WWTR1: variants seen among roughly 807,000 people sequenced by gnomAD.
The protein encoded by WWTR1 is WW domain containing transcription regulator 1, also known as WW domain-containing transcription regulator protein 1.
WWTR1 carries 13 observed loss-of-function variants against 40.1 expected under a neutral mutation model. The ratio of observed to expected loss-of-function variants is 0.32; its 90% CI spans 0.21 to 0.52. The LOEUF (loss-of-function observed/expected upper bound fraction) is 0.52. Among genes scored for constraint, WWTR1 ranks in the 20% least tolerant of loss-of-function variants. WWTR1 has a pLI of 0.97. For missense variants in WWTR1, 436 were observed against 523.1 expected (o/e 0.83, Z 1.63); for synonymous variants, 230 against 210.1 (o/e 1.09, Z -0.82).
At chr3:149,706,257 C>T (rs1459327147), upstream of WWTR1, among the ~76,000 whole-genome samples, 17 of 152,104 alleles carry the variant, frequency 1.1e-4, no homozygotes, top group Non-Finnish European at 1.3e-4. Flanking sequence ...GTAAATTTTT[C>T]GTGCACATTC....
intron 2 of WWTR1, among the ~76,000 whole-genome samples, chr3:149,668,476 C>T (rs1019802034): frequency 2.0e-5 from 3 of 151,978 alleles, no homozygotes; most frequent in Non-Finnish European, 2.9e-5. Flanking sequence ...GGCATGGTGG[C>T]GGGCGCCTGT....
intron 2 of WWTR1, among the ~76,000 whole-genome samples, chr3:149,621,438 C>A (rs1560089101): frequency 1.3e-5 from 2 of 152,178 alleles, no homozygotes; most frequent in South Asian, 4.2e-4. Flanking sequence ...ATAAATAAGG[C>A]CCCGAGAGCA....
At chr3:149,630,165 T>A (rs1028183554) in intron 2 of WWTR1, among the ~76,000 whole-genome samples, 4 of 152,120 alleles carry the variant, frequency 2.6e-5, no homozygotes, top group African/African-American at 9.7e-5. Flanking sequence ...GATATTAGAA[T>A]AATAAAATCT....
rs186025538 is a variant in WWTR1 at position 149,636,545 on chromosome 3, G to C, written c.431+20331C>G. 6.2e-4 allele frequency among the ~76,000 whole-genome samples: 95 copies of C among 152,166 alleles called. No homozygotes were observed. The East Asian group carries it at 0.014, about 23-fold the overall frequency. On this transcript the variant is annotated intron_variant, in intron 2 of 6. Transcript: ENST00000360632. The stretch of plus-strand genomic sequence containing the variant: ...TTTTTAGAATTTATAGTCGGGCTAA[G>C]AATTAAATACAAAGAATAGAATATA...
At chr3:149,660,780 T>A (rs1310114551), upstream of WWTR1, among the ~76,000 whole-genome samples, 1 of 152,204 alleles carries the variant, frequency 6.6e-6, no homozygotes, top group Non-Finnish European at 1.5e-5. Context: ...CACATACACA[T>A]TTTATTTGTT....
intron 2 of WWTR1, among the ~76,000 whole-genome samples, chr3:149,574,207 A>G (rs1195319302): frequency 6.6e-6 from 1 of 151,714 alleles, no homozygotes; most frequent in Non-Finnish European, 1.5e-5. Flanking sequence ...ATTTTTTTTA[A>G]AAAATTTTTT....
chr3:149,691,394 G>A (rs1714823265), intron 1 of WWTR1, among the ~76,000 whole-genome samples: 3 of 147,734 alleles, frequency 2.0e-5, no homozygotes, highest in South Asian at 2.1e-4. Flanking sequence ...TTTTTGAAAA[G>A]ATAAAATCAA....
chr3:149,668,488 A>G (rs532094329), intron 2 of WWTR1, among the ~76,000 whole-genome samples: 1 of 152,104 alleles, frequency 6.6e-6, no homozygotes, highest in South Asian at 2.1e-4. Flanking sequence ...GGCGCCTGTA[A>G]TCCCAGCTGC....
intron 3 of WWTR1, among the ~76,000 whole-genome samples, chr3:149,567,003 A>G (rs1057295575): frequency 2.0e-5 from 3 of 152,040 alleles, no homozygotes; most frequent in African/African-American, 7.2e-5. Context: ...GTTGCACTTT[A>G]CCAAAAGTTT....
intron 3 of WWTR1, among the ~76,000 whole-genome samples, chr3:149,568,559 A>AAAAAAAAAAAAAAC (rs1302927073): frequency 7.2e-6 from 1 of 137,934 alleles, no homozygotes; most frequent in Non-Finnish European, 1.5e-5. Flanking sequence ...AAAAAAAAAA[A>AAAAAAAAAAAAAAC]ACCATATTTT....
chr3:149,588,294 A>G (rs1230707038), intron 2 of WWTR1, among the ~76,000 whole-genome samples: 1 of 152,244 alleles, frequency 6.6e-6, no homozygotes, highest in African/African-American at 2.4e-5. Flanking sequence ...AGTAAGAACA[A>G]CTAAGCAGAA....
At position 149,544,060 on chromosome 3, in the gene WWTR1, G is replaced by A. The variant is rs549084082; in HGVS notation, c.569-1523C>T. 4.6e-5 allele frequency among the ~76,000 whole-genome samples: 7 copies of A among 151,892 alleles called. No individual in the cohort carries two copies. The South Asian group carries it at 6.2e-4, about 14-fold the overall frequency. On this transcript the variant is annotated intron_variant, in intron 3 of 6. Transcript: ENST00000360632. ...TGGGATTGCAGGTGGAAGCCACCAC[G>A]CCTGGTGGCTTAAGTTAAATACTTT...
chr3:149,690,261 C>T lies in WWTR1; in HGVS notation c.-108+12863G>A, dbSNP rs963372264. On this transcript the variant is annotated intron_variant, in intron 1 of 7. Coordinates refer to the WWTR1 transcript ENST00000465804. ...ACAACAAACTGGCAGGAGTAAGTCC[C>T]CACTTACCAACGATAACATTGACTG... is the stretch of plus-strand genomic sequence containing the variant. Among the ~76,000 whole-genome samples, 12 of 152,034 alleles carry T rather than the reference C, an allele frequency of 7.9e-5. No individual in the cohort carries two copies. In the East Asian group the frequency reaches 1.9e-3, roughly 24 times the overall value.
chr3:149,636,006 C>T (rs957655981), intron 2 of WWTR1, among the ~76,000 whole-genome samples: 1 of 152,046 alleles, frequency 6.6e-6, no homozygotes, highest in Non-Finnish European at 1.5e-5. Flanking sequence ...TCTGTGTGAT[C>T]TTAAAGGACA....
chr3:149,597,514 G>A (rs562159513), intron 2 of WWTR1, among the ~76,000 whole-genome samples: 6 of 151,928 alleles, frequency 3.9e-5, no homozygotes, highest in Non-Finnish European at 7.4e-5. Flanking sequence ...GCGTGGCAGC[G>A]CACACCTGAA....
rs34351019 is a variant in WWTR1 at position 149,520,808 on chromosome 3, C to A, written c.1200G>T (p.Leu400=). Residue 400 remains leucine, a synonymous_variant, in exon 7 of 7, where the codon CTG becomes CTT. Transcript: ENST00000360632. ...LNKSEPFLTW[L] ...ATCCAAGTTACAATGGTAGTGATTA[C>A]AGCCAGGTTAGAAAGGGCTCACTTT... The A allele has an allele frequency of 6.3e-7, 1 of 1,583,278 alleles. No individual in the cohort carries two copies.
At chr3:149,591,090 T>TGATC (rs1388472434) in intron 2 of WWTR1, among the ~76,000 whole-genome samples, 1 of 152,024 alleles carries the variant, frequency 6.6e-6, no homozygotes, top group Non-Finnish European at 1.5e-5. Flanking sequence ...TAGGTCCATG[T>TGATC]GATCCTGTAG....
intron 1 of WWTR1, among the ~76,000 whole-genome samples, chr3:149,694,062 C>T (rs1038383001): frequency 5.9e-5 from 9 of 152,054 alleles, no homozygotes; most frequent in African/African-American, 1.9e-4. Context: ...AAAGACAAAG[C>T]GAAGTGGGAG....
intron 2 of WWTR1, among the ~76,000 whole-genome samples, chr3:149,636,366 C>T (rs1219034720): frequency 1.3e-5 from 2 of 152,104 alleles, no homozygotes; most frequent in Admixed American, 6.6e-5. Context: ...GGAAAGGTTA[C>T]GATCTTAGGA....
Sources: allele counts gnomAD v4.1 joint callset (sites outside exome capture counted in the v4.1 genomes callset), GRCh38; gene constraint gnomAD v4.1.1; transcripts MANE v1.5; gene names NCBI Gene and HGNC (gene_info 2026-07-23, HGNC 2026-07-21).